The following MYO1E variants were observed in gnomAD, a reference collection of about 807,000 sequenced individuals.
The protein encoded by MYO1E is myosin IE, also known as unconventional myosin-Ie.
Under a neutral mutation model 151.1 loss-of-function variants are expected in MYO1E, and 68 were observed. The ratio of observed to expected loss-of-function variants is 0.45; its 90% CI spans 0.37 to 0.55. The LOEUF (loss-of-function observed/expected upper bound fraction) is 0.55. Ranked by LOEUF, MYO1E falls within the 20% of genes least tolerant of loss-of-function variation. The probability of loss-of-function intolerance (pLI) is 0.00; values close to 1 mark genes in which losing one functional copy is unlikely to be tolerated. For synonymous variants in MYO1E, 601 were observed against 501.7 expected, an observed-to-expected ratio of 1.20 and a Z score of -2.64; for missense variants, 1,363 against 1,389.3, an observed-to-expected ratio of 0.98 and a Z score of 0.30.
At chr15:59,228,604 G>A (rs2140353001) in intron 6 of MYO1E, among the ~76,000 whole-genome samples, 2 of 151,586 alleles carry the variant, frequency 1.3e-5, no homozygotes, top group South Asian at 4.2e-4. Context: ...AGAAACTTAA[G>A]CACCCTCAGA....
intron 17 of MYO1E, among the ~76,000 whole-genome samples, chr15:59,193,339 A>G (rs1165462258): frequency 6.6e-6 from 1 of 152,188 alleles, no homozygotes; most frequent in African/African-American, 2.4e-5. Flanking sequence ...TCTCACTCTA[A>G]CAGCTGGGCT....
chr15:59,292,698 GTGAT>G (rs2080426787), intron 1 of MYO1E, among the ~76,000 whole-genome samples: 1 of 152,228 alleles, frequency 6.6e-6, no homozygotes, highest in African/African-American at 2.4e-5. Flanking sequence ...CCTGACCAGT[GTGAT>G]GAAAATCTCA....
At chr15:59,173,706 A>C (rs2079608487) in intron 21 of MYO1E, 40 bp downstream of exon 21, 1 of 1,606,770 alleles carries the variant, frequency 6.2e-7, no homozygotes, top group Admixed American at 1.7e-5. Flanking sequence ...AAAATAAGGA[A>C]TCTGTTTGGT....
At chr15:59,316,432 C>A (rs2080589471) in intron 1 of MYO1E, among the ~76,000 whole-genome samples, 1 of 152,116 alleles carries the variant, frequency 6.6e-6, no homozygotes, top group African/African-American at 2.4e-5. Flanking sequence ...ATACCCAAGT[C>A]TGCCAAAAAA....
chr15:59,358,924 A>G (rs1442653546), intron 1 of MYO1E, among the ~76,000 whole-genome samples: 1 of 152,328 alleles, frequency 6.6e-6, no homozygotes, highest in South Asian at 2.1e-4. Flanking sequence ...AGTAACTGAG[A>G]GACCTAGGTC....
chr15:59,173,640 T>C (rs543830248), intron 21 of MYO1E, 106 bp downstream of exon 21: 4 of 1,429,482 alleles, frequency 2.8e-6, no homozygotes, highest in East Asian at 4.6e-5. Context: ...TAAATTTTTC[T>C]ACAACGAACA....
intron 1 of MYO1E, among the ~76,000 whole-genome samples, chr15:59,325,429 C>G (rs751757688): frequency 6.6e-6 from 1 of 152,142 alleles, no homozygotes; most frequent in African/African-American, 2.4e-5. Context: ...GACTTAAATT[C>G]GTGCACAATG....
intron 16 of MYO1E, among the ~76,000 whole-genome samples, chr15:59,199,724 C>T (rs1167130391): frequency 2.6e-5 from 4 of 152,144 alleles, no homozygotes; most frequent in African/African-American, 4.8e-5. Context: ...TATAACACTA[C>T]GATGACCTTG....
rs906592868 is a variant in MYO1E at position 59,159,331 on chromosome 15, G to A, written c.2786-952C>T. Among the ~76,000 whole-genome samples, 14 of 152,214 alleles carry A rather than the reference G, an allele frequency of 9.2e-5. No individual in the cohort carries two copies. Among genetic ancestry groups the A allele is most frequent in the South Asian group, 2.1e-4 (1 of 4,816 alleles). ...GGCAATTTCCCCTCGGGGGCCCGCC[G>A]CACAAACATAGCCTGCTGGTTATTT... is the stretch of plus-strand genomic sequence containing the variant. On this transcript the variant is annotated intron_variant, in intron 24 of 27. Transcript: ENST00000288235. This position sits in a 1 kb window ranked among gnomAD's most constrained non-coding sequence, Gnocchi z 4.4.
At chr15:59,325,497 G>T (rs1479414662) in intron 1 of MYO1E, among the ~76,000 whole-genome samples, 2 of 152,178 alleles carry the variant, frequency 1.3e-5, no homozygotes, top group Non-Finnish European at 2.9e-5. Flanking sequence ...ACCACAGGTT[G>T]AGATTATTTA....
intron 1 of MYO1E, among the ~76,000 whole-genome samples, chr15:59,330,774 G>A (rs2080693457): frequency 1.3e-5 from 2 of 152,140 alleles, no homozygotes; most frequent in South Asian, 4.2e-4. Context: ...TTATTTATTT[G>A]TGTTGGTTTT....
At position 59,137,135 on chromosome 15, in the gene MYO1E, A is replaced by T. The variant is rs147872783; in HGVS notation, c.*245T>A. 251 of 547,352 alleles carry T rather than the reference A, an allele frequency of 4.6e-4. No homozygotes were observed. Among genetic ancestry groups the T allele is most frequent in the African/African-American group, 4.4e-3 (230 of 52,864 alleles). 33.9% of individuals were successfully genotyped at this position (547,352 alleles called of 1,614,324 possible). ...GGTTTAAATACAATAAATAAATCTT[A>T]ATGCATGGTGGTTTTGTCCTCCTGG... On this transcript the variant is annotated 3_prime_UTR_variant, in exon 28 of 28. Coordinates refer to ENST00000288235, the MANE Select transcript of MYO1E (RefSeq NM_004998.4).
intron 14 of MYO1E, chr15:59,206,965 C>A (rs766463782): frequency 3.1e-6 from 5 of 1,613,482 alleles, no homozygotes; most frequent in African/African-American, 1.3e-5. Context: ...GCCTGTTGTG[C>A]GGGCCAGCCA....
rs59491381 is a variant in MYO1E at position 59,319,550 on chromosome 15, C to CTTTTTTTTTTTTTTTTTTT, written c.4-47120_4-47102dup. 4.1e-4 allele frequency among the ~76,000 whole-genome samples: 26 copies of CTTTTTTTTTTTTTTTTTTT among 63,718 alleles called. 1 individual carries two copies. Among genetic ancestry groups the CTTTTTTTTTTTTTTTTTTT allele is most frequent in the African/African-American group, 8.9e-4 (20 of 22,406 alleles). 41.8% of individuals were successfully genotyped at this position (63,718 alleles called of 152,430 possible). A position where few individuals can be genotyped will look rare whatever the true frequency, so the allele number is the denominator to read the frequency against. On this transcript the variant is annotated intron_variant, in intron 1 of 27. Coordinates refer to ENST00000288235, the MANE Select transcript of MYO1E (RefSeq NM_004998.4). Reference sequence around the variant, plus strand: ...AAGATAGGAAAAGAAGTCAAACTACCTTTTTTTTTTTTTTTTTTTTTTTTT... The same window carrying CTTTTTTTTTTTTTTTTTTT: ...AAGATAGGAAAAGAAGTCAAACTACCTTTTTTTTTTTTTTTTTTTTTTTTTTTTTTTTTTTTTTTTTTTT...
intron 10 of MYO1E, among the ~76,000 whole-genome samples, chr15:59,216,685 TACACATACACACACAC>T (rs2079920156): frequency 1.0e-4 from 4 of 38,638 alleles, no homozygotes; most frequent in African/African-American, 3.3e-4. Context: ...TATATATATA[TACACATACACACACAC>T]ACACACACAC....
At position 59,149,263 on chromosome 15, in the gene MYO1E, A is replaced by G. The variant is rs141209504; in HGVS notation, c.3080+4327T>C. On this transcript the variant is annotated intron_variant, in intron 26 of 27. Coordinates refer to ENST00000288235, the MANE Select transcript of MYO1E (RefSeq NM_004998.4). ...AGTGGAGACGGGGTTTCACCGTGTT[A>G]ATCAGGATGGTCTTGATCTCCTGAC... 4.9e-3 allele frequency among the ~76,000 whole-genome samples: 745 copies of G among 151,998 alleles called. 5 individuals are homozygous for G. Among genetic ancestry groups the G allele is most frequent in the Non-Finnish European group, 6.8e-3 (462 of 67,932 alleles).
intron 5 of MYO1E, among the ~76,000 whole-genome samples, chr15:59,234,396 G>A (rs768734187): frequency 6.6e-5 from 10 of 152,248 alleles, no homozygotes; most frequent in South Asian, 4.1e-4. Context: ...AGAAGCTGTC[G>A]TTAAATGGTA....
chr15:59,326,647 G>A (rs1341521584), intron 1 of MYO1E, among the ~76,000 whole-genome samples: 1 of 152,132 alleles, frequency 6.6e-6, no homozygotes, highest in Non-Finnish European at 1.5e-5. Flanking sequence ...GAGCCTAAAT[G>A]TCTCCTAACC....
chr15:59,276,226 G>C (rs538484531), intron 1 of MYO1E, among the ~76,000 whole-genome samples: 1 of 152,134 alleles, frequency 6.6e-6, no homozygotes, highest in Non-Finnish European at 1.5e-5. Context: ...TGTGAGGGCA[G>C]CCATTCTCTT....
Sources: allele counts gnomAD v4.1 joint callset (sites outside exome capture counted in the v4.1 genomes callset), GRCh38; gene constraint gnomAD v4.1.1; non-coding constraint Gnocchi (gnomAD v3.1); transcripts MANE v1.5; gene names NCBI Gene and HGNC (gene_info 2026-07-23, HGNC 2026-07-21).